LRFN2: variants seen among roughly 807,000 people sequenced by gnomAD.
LRFN2 encodes leucine rich repeat and fibronectin type III domain containing 2.
A neutral mutation model predicts 37.3 loss-of-function variants in LRFN2; 18 were observed. That is an observed-to-expected ratio of 0.48 (90% CI 0.33 to 0.72). LRFN2 has a LOEUF of 0.72. Ranked by LOEUF, LRFN2 falls within the 30% of genes least tolerant of loss-of-function variation. The probability of loss-of-function intolerance (pLI) is 0.02; values close to 1 mark genes in which losing one functional copy is unlikely to be tolerated. For missense variants in LRFN2, 1,006 were observed against 1,060.7 expected, an observed-to-expected ratio of 0.95 and a Z score of 0.72; for synonymous variants, 556 against 466.6, an observed-to-expected ratio of 1.19 and a Z score of -2.47.
At chr6:40,515,546 C>T (rs1173088508) in intron 1 of LRFN2, among the ~76,000 whole-genome samples, 1 of 152,130 alleles carries the variant, frequency 6.6e-6, no homozygotes, top group Non-Finnish European at 1.5e-5. Context: ...CTCTACCTGC[C>T]CACATGGTAG....
At chr6:40,415,809 A>G (rs556621087) in intron 2 of LRFN2, among the ~76,000 whole-genome samples, 25 of 152,362 alleles carry the variant, frequency 1.6e-4, no homozygotes, top group Non-Finnish European at 4.4e-5. Context: ...GACTAAAGGT[A>G]AAGGCAAGGA....
Position 40,574,521 on chromosome 6 carries a change from G to A in LRFN2, c.-19+12420C>T, listed in dbSNP as rs59341795. ...TCCCAGTTTGTGTCCATCACGGGGT[G>A]GGGGGTGGCGGGGAGTGCTGGATGA... On this transcript the variant is annotated intron_variant, in intron 1 of 2. Transcript: ENST00000338305. Among the ~76,000 whole-genome samples, 1,505 of 152,250 alleles carry A rather than the reference G, an allele frequency of 9.9e-3. 27 individuals carry two copies. Among genetic ancestry groups the A allele is most frequent in the African/African-American group, 0.034 (1,422 of 41,530 alleles).
intron 1 of LRFN2, among the ~76,000 whole-genome samples, chr6:40,521,022 G>A (rs1330958768): frequency 1.3e-5 from 2 of 152,184 alleles, no homozygotes; most frequent in Non-Finnish European, 1.5e-5. Flanking sequence ...AGTGCAGGGA[G>A]GCAGACTCCA....
At chr6:40,435,074 G>C (rs1464112246) in intron 1 of LRFN2, among the ~76,000 whole-genome samples, 1 of 137,932 alleles carries the variant, frequency 7.2e-6, no homozygotes, top group African/African-American at 2.6e-5. Context: ...GAGAGAGAGA[G>C]AGAGAGAGAG....
At chr6:40,425,205 G>A (rs539760544) in intron 2 of LRFN2, among the ~76,000 whole-genome samples, 4 of 152,192 alleles carry the variant, frequency 2.6e-5, no homozygotes, top group Non-Finnish European at 4.4e-5. Context: ...AGGGGCTGGG[G>A]TGGCTGTCAT....
At chr6:40,455,667 C>T (rs978579992) in intron 1 of LRFN2, among the ~76,000 whole-genome samples, 5 of 152,174 alleles carry the variant, frequency 3.3e-5, no homozygotes, top group Admixed American at 6.5e-5. Flanking sequence ...TCACTATCAT[C>T]TTTATTGTGT....
chr6:40,400,785 G>A (rs1002758558), intron 2 of LRFN2, among the ~76,000 whole-genome samples: 2 of 151,728 alleles, frequency 1.3e-5, no homozygotes, highest in African/African-American at 2.4e-5. Context: ...TTTCATGGAT[G>A]TGCATATACA....
At chr6:40,575,084 G>C (rs1356620665) in intron 1 of LRFN2, among the ~76,000 whole-genome samples, 1 of 152,136 alleles carries the variant, frequency 6.6e-6, no homozygotes, top group Non-Finnish European at 1.5e-5. Flanking sequence ...GGAGAGGAAG[G>C]ACTCCTCAGG....
At chr6:40,574,717 G>C (rs1175398465) in intron 1 of LRFN2, among the ~76,000 whole-genome samples, 4 of 152,194 alleles carry the variant, frequency 2.6e-5, no homozygotes, top group African/African-American at 4.8e-5. Context: ...TCCGGAGAGA[G>C]AGCAGGGCCC....
At chr6:40,508,820 C>T (rs138949282) in intron 1 of LRFN2, among the ~76,000 whole-genome samples, 2,643 of 152,324 alleles carry the variant, frequency 0.017, 23 homozygotes, top group Non-Finnish European at 0.024. Context: ...CCTGGGCTCT[C>T]CCCACTCAAC....
chr6:40,418,108 C>A (rs1763138085), intron 2 of LRFN2, among the ~76,000 whole-genome samples: 1 of 152,162 alleles, frequency 6.6e-6, no homozygotes, highest in African/African-American at 2.4e-5. Context: ...TGTAATCTAG[C>A]CCTGTCCAGT....
At chr6:40,419,600 C>CA (rs1176406008) in intron 2 of LRFN2, among the ~76,000 whole-genome samples, 1 of 152,186 alleles carries the variant, frequency 6.6e-6, no homozygotes, top group Non-Finnish European at 1.5e-5. Flanking sequence ...CTTTGTTATG[C>CA]AACATGGTTG....
chr6:40,490,756 C>T lies in LRFN2; in HGVS notation c.-18-57625G>A, dbSNP rs528803760. 5.0e-4 allele frequency among the ~76,000 whole-genome samples: 76 copies of T among 152,358 alleles called. 1 individual carries two copies. In the South Asian group the frequency reaches 7.3e-3, roughly 15 times the overall value. ...AGAGAAGCCTGCCACCAGAGACTTG[C>T]TCCTGGGCTCAGAGAATGGGCATTA... On this transcript the variant is annotated intron_variant, in intron 1 of 2. Transcript: ENST00000338305.
chr6:40,496,649 GC>G (rs995756888), intron 1 of LRFN2, among the ~76,000 whole-genome samples: 2 of 151,966 alleles, frequency 1.3e-5, no homozygotes, highest in African/African-American at 2.4e-5. Flanking sequence ...CTCTCAAAGG[GC>G]CCCCTCCCTG....
chr6:40,565,126 A>C (rs1052741223), intron 1 of LRFN2, among the ~76,000 whole-genome samples: 7 of 152,234 alleles, frequency 4.6e-5, no homozygotes, highest in African/African-American at 1.4e-4. Context: ...CTAGCAGAGG[A>C]CGTAGATCCC....
At chr6:40,459,923 A>G (rs578035920) in intron 1 of LRFN2, among the ~76,000 whole-genome samples, 64 of 152,328 alleles carry the variant, frequency 4.2e-4, no homozygotes, top group African/African-American at 1.5e-3. Context: ...ACTCATGGTC[A>G]CCCAGCTAAC....
chr6:40,406,384 T>C (rs116979788), intron 2 of LRFN2, among the ~76,000 whole-genome samples: 1 of 152,202 alleles, frequency 6.6e-6, no homozygotes, highest in South Asian at 2.1e-4. Context: ...GTCTGAGGTC[T>C]GGCAGTCTGT....
chr6:40,422,557 T>C (rs1407104900), intron 2 of LRFN2, among the ~76,000 whole-genome samples: 1 of 152,098 alleles, frequency 6.6e-6, no homozygotes, highest in East Asian at 1.9e-4. Context: ...TTCCATACCT[T>C]CCCCACTCCT....
At chr6:40,457,704 G>T (rs555183898) in intron 1 of LRFN2, among the ~76,000 whole-genome samples, 1 of 151,538 alleles carries the variant, frequency 6.6e-6, no homozygotes, top group African/African-American at 2.4e-5. Context: ...AAAACCTGAA[G>T]GTGCCATGAT....
Sources: allele counts gnomAD v4.1 joint callset (sites outside exome capture counted in the v4.1 genomes callset), GRCh38; gene constraint gnomAD v4.1.1; transcripts MANE v1.5; gene names NCBI Gene and HGNC (gene_info 2026-07-23, HGNC 2026-07-21).